The following PAM variants were observed in gnomAD, a reference collection of about 807,000 sequenced individuals.
The protein encoded by PAM is peptidyl-glycine alpha-amidating monooxygenase.
Under a neutral mutation model 122.1 loss-of-function variants are expected in PAM, and 72 were observed. The observed-to-expected ratio is 0.59, with a 90% CI of 0.49 to 0.72. The LOEUF (loss-of-function observed/expected upper bound fraction) is 0.72, where lower values mean the gene tolerates loss of function less well. Among genes scored for constraint, PAM ranks in the 30% least tolerant of loss-of-function variants. The pLI, the probability that PAM is intolerant of heterozygous loss-of-function variation, is 0.00. For synonymous variants in PAM, 389 were observed against 404.4 expected, an observed-to-expected ratio of 0.96 and a Z score of 0.46; for missense variants, 1,106 against 1,183.7, an observed-to-expected ratio of 0.93 and a Z score of 0.96.
chr5:102,762,240 G>A (rs1752559623), intron 1 of PAM, among the ~76,000 whole-genome samples: 2 of 152,062 alleles, frequency 1.3e-5, no homozygotes, highest in South Asian at 4.1e-4. Flanking sequence ...TCTTACCTGT[G>A]CTTCAGGCTT....
At chr5:102,780,749 CTT>C (rs1758532791) in intron 1 of PAM, among the ~76,000 whole-genome samples, 1 of 149,260 alleles carries the variant, frequency 6.7e-6, no homozygotes, top group Non-Finnish European at 1.5e-5. Flanking sequence ...CTTTTTCTTT[CTT>C]TCTCTTTCTT....
intron 12 of PAM, among the ~76,000 whole-genome samples, chr5:102,957,549 G>C (rs1414752437): frequency 2.0e-5 from 3 of 150,912 alleles, no homozygotes; most frequent in African/African-American, 7.3e-5. Context: ...TTTTTTTTGA[G>C]ACGGAGTCTC....
In PAM at chr5:102,901,425, T is replaced by C. The variant is rs780857270; in HGVS notation, c.268+12T>C. The C allele has an allele frequency of 2.7e-6, 4 of 1,494,232 alleles. No individual in the cohort carries two copies. Among genetic ancestry groups the C allele is most frequent in the Admixed American group, 1.7e-5 (1 of 59,418 alleles). 92.6% of individuals were successfully genotyped at this position (1,494,232 alleles called of 1,614,324 possible). ...GGAAGCCTTCGTGAGTAAGTATTAATTGGATTGGGGGAGTAGCAGTTTAAT... is the reference window on the plus strand; with the variant it reads ...GGAAGCCTTCGTGAGTAAGTATTAACTGGATTGGGGGAGTAGCAGTTTAAT... On this transcript the variant is annotated intron_variant, in intron 4 of 25. Transcript: ENST00000438793.
intron 7 of PAM, among the ~76,000 whole-genome samples, chr5:102,928,877 C>G (rs548781378): frequency 1.3e-5 from 2 of 152,214 alleles, no homozygotes; most frequent in South Asian, 2.1e-4. Context: ...AAATGCTACT[C>G]TATCTACCCA....
chr5:102,959,130 T>A (rs907036694), intron 12 of PAM, among the ~76,000 whole-genome samples: 1 of 152,166 alleles, frequency 6.6e-6, no homozygotes, highest in Non-Finnish European at 1.5e-5. Flanking sequence ...CTTGGAAATA[T>A]CCACTGTTTT....
intron 15 of PAM, among the ~76,000 whole-genome samples, chr5:102,986,646 A>G (rs566084005): frequency 1.3e-5 from 2 of 152,278 alleles, no homozygotes; most frequent in Non-Finnish European, 2.9e-5. Context: ...TAAAATGACA[A>G]TACTACCTGA....
chr5:102,818,152 A>G (rs1770557021), intron 1 of PAM, among the ~76,000 whole-genome samples: 1 of 150,660 alleles, frequency 6.6e-6, no homozygotes, highest in Non-Finnish European at 1.5e-5. Context: ...CAAATTTAAC[A>G]TAACATATTG....
chr5:102,913,536 G>A (rs971911701), intron 4 of PAM, among the ~76,000 whole-genome samples: 1 of 151,912 alleles, frequency 6.6e-6, no homozygotes, highest in African/African-American at 2.4e-5. Flanking sequence ...ACCACTCACT[G>A]TGGCTTCTTT....
rs190859373 is a variant in PAM, at chr5:103,001,082, C to T, written c.1614-1951C>T. On this transcript the variant is annotated intron_variant, in intron 16 of 25. Coordinates refer to ENST00000438793, the MANE Select transcript of PAM (RefSeq NM_001177306.2). ...TGAATGAAGAAACTTTAACCTATTACATATGAATGTGAAGGTTACAATATA... is the reference window on the plus strand; with the variant it reads ...TGAATGAAGAAACTTTAACCTATTATATATGAATGTGAAGGTTACAATATA... Among the ~76,000 whole-genome samples the T allele has an allele frequency of 2.1e-3, 319 of 152,252 alleles. 1 individual carries two copies. Among genetic ancestry groups the T allele is most frequent in the Admixed American group, 3.3e-3 (51 of 15,282 alleles).
intron 15 of PAM, among the ~76,000 whole-genome samples, chr5:102,982,483 T>A (rs1045984421): frequency 2.0e-5 from 3 of 152,188 alleles, no homozygotes; most frequent in African/African-American, 7.2e-5. Flanking sequence ...CTAAAGCCTG[T>A]CATGCTCAGC....
chr5:102,850,457 T>C (rs536786948), intron 1 of PAM, among the ~76,000 whole-genome samples: 1 of 152,338 alleles, frequency 6.6e-6, no homozygotes, highest in Non-Finnish European at 1.5e-5. Context: ...TGTAAATATT[T>C]GAGTAATTTC....
intron 3 of PAM, among the ~76,000 whole-genome samples, chr5:102,896,979 A>T (rs1463369761): frequency 3.3e-5 from 5 of 151,688 alleles, no homozygotes; most frequent in African/African-American, 1.2e-4. Context: ...CTATGCATGC[A>T]TTAAAAACAC....
downstream of PAM, chr5:103,030,916 C>G (rs888274371): frequency 3.3e-5 from 5 of 152,128 alleles, no homozygotes; most frequent in African/African-American, 1.2e-4. Context: ...TTCTATCTTG[C>G]CAGTTACAAT....
chr5:103,001,481 C>T (rs979007100), intron 16 of PAM, among the ~76,000 whole-genome samples: 7 of 151,760 alleles, frequency 4.6e-5, no homozygotes, highest in Admixed American at 1.3e-4. Flanking sequence ...TTCTAGATAC[C>T]ACTGTGTGGT....
intron 1 of PAM, among the ~76,000 whole-genome samples, chr5:102,771,415 A>G (rs1205505601): frequency 6.6e-6 from 1 of 152,144 alleles, no homozygotes; most frequent in Non-Finnish European, 1.5e-5. Flanking sequence ...GCTGCATTCT[A>G]AACAGGGGAA....
At chr5:102,881,155 C>CACACACACACACACACACACACACACAG (rs1046039847) in intron 3 of PAM, among the ~76,000 whole-genome samples, 39 of 151,118 alleles carry the variant, frequency 2.6e-4, no homozygotes, top group African/African-American at 9.2e-4. Flanking sequence ...CACACACACA[C>CACACACACACACACACACACACACACAG]AGAGACTTCT....
At chr5:102,769,876 C>A (rs950723930) in intron 1 of PAM, among the ~76,000 whole-genome samples, 1 of 151,806 alleles carries the variant, frequency 6.6e-6, no homozygotes, top group Non-Finnish European at 1.5e-5. Flanking sequence ...TTTTTTTTCT[C>A]ACTTCTATGG....
chr5:102,940,115 T>TACACACACACAC (rs66466018), intron 7 of PAM, among the ~76,000 whole-genome samples: 2 of 134,376 alleles, frequency 1.5e-5, no homozygotes, highest in African/African-American at 5.2e-5. Context: ...TATGTATACA[T>TACACACACACAC]ACACACACAC....
intron 12 of PAM, among the ~76,000 whole-genome samples, chr5:102,955,240 G>A (rs1203711994): frequency 6.6e-6 from 1 of 151,892 alleles, no homozygotes; most frequent in Non-Finnish European, 1.5e-5. Flanking sequence ...ATTACTTGGT[G>A]CTTTATTAAA....
Sources: allele counts gnomAD v4.1 joint callset (sites outside exome capture counted in the v4.1 genomes callset), GRCh38; gene constraint gnomAD v4.1.1; transcripts MANE v1.5; gene names NCBI Gene and HGNC (gene_info 2026-07-23, HGNC 2026-07-21).